Variants in SLIT3 observed in about 807,000 individuals in gnomAD.
The protein encoded by SLIT3 is slit guidance ligand 3, also known as slit homolog 3 protein.
A neutral mutation model predicts 184.0 loss-of-function variants in SLIT3; 68 were observed. The ratio of observed to expected loss-of-function variants is 0.37; its 90% CI spans 0.30 to 0.45. The LOEUF is 0.45. SLIT3 is among the 20% of genes least tolerant of loss of function. The pLI is 1.00. For synonymous variants in SLIT3, 831 were observed against 828.6 expected, an observed-to-expected ratio of 1.00 and a Z score of -0.05; for missense variants, 1,707 against 2,026.0, an observed-to-expected ratio of 0.84 and a Z score of 3.02.
rs1283382920 is a variant in SLIT3, at chr5:168,746,422, G to GTC, written c.2270+1879_2270+1880insGA. Among the ~76,000 whole-genome samples the GTC allele has an allele frequency of 4.1e-3, 444 of 108,920 alleles. 10 individuals are homozygous for GTC. Among genetic ancestry groups the GTC allele is most frequent in the African/African-American group, 4.3e-3 (116 of 26,676 alleles). 71.5% of individuals were successfully genotyped at this position (108,920 alleles called of 152,430 possible). On this transcript the variant is annotated intron_variant, in intron 20 of 35. Transcript: ENST00000519560. ...GTCTGGTGGTGTGTAGTGTGTGAGT[G>GTC]TGGTGGTGTGTGGTGGTGTGGGTGT...
At chr5:169,245,793 C>G (rs1157561700) in intron 2 of SLIT3, among the ~76,000 whole-genome samples, 1 of 152,150 alleles carries the variant, frequency 6.6e-6, no homozygotes, top group Non-Finnish European at 1.5e-5. Context: ...CAGTCTCTCC[C>G]CATTAGATGT....
chr5:168,989,714 C>T (rs1342682333), intron 4 of SLIT3, among the ~76,000 whole-genome samples: 1 of 152,162 alleles, frequency 6.6e-6, no homozygotes, highest in Non-Finnish European at 1.5e-5. Context: ...CATAGCCACC[C>T]TAAAACGAGA....
At chr5:169,216,673 G>C (rs1429948478) in intron 3 of SLIT3, among the ~76,000 whole-genome samples, 2 of 152,132 alleles carry the variant, frequency 1.3e-5, no homozygotes, top group East Asian at 3.9e-4. Context: ...GTAATTCCTC[G>C]ATGGTTATCT....
chr5:168,671,424 C>T lies in SLIT3; in HGVS notation c.3901G>A (p.Gly1301Ser), dbSNP rs369289265. ...LRQGTDRPLG[G>S]FHGCIHEVRI... ...ACCTCATGGATGCATCCGTGGAAGC[C>T]GCCTAGAGGCCGGTCCGTGCCCTGG... The change falls in exon 34 of 36, where the codon GGC becomes AGC. Residue 1301 changes from glycine (G) to serine (S), a missense_variant. By Grantham distance (56) the Gly-to-Ser change is moderately conservative. This residue lies in a region of SLIT3 where 387 missense variants were observed against 477.9 expected (regional missense o/e 0.81). Transcript: ENST00000519560. 2.2e-5 allele frequency: 35 copies of T among 1,613,654 alleles called. No individual in the cohort carries two copies. The highest frequency in any genetic ancestry group is 1.2e-4 in the South Asian group (11 of 90,982).
At chr5:168,710,772 T>C in intron 25 of SLIT3, 123 bp downstream of exon 25, 3 of 795,278 alleles carry the variant, frequency 3.8e-6, no homozygotes, top group Non-Finnish European at 5.4e-6. Context: ...GTGGGACCCA[T>C]GGAAGAGACA....
chr5:168,809,125 A>C (rs1415298647), intron 8 of SLIT3, among the ~76,000 whole-genome samples: 3 of 152,176 alleles, frequency 2.0e-5, no homozygotes, highest in Non-Finnish European at 4.4e-5. Flanking sequence ...TGGCGGTGGA[A>C]GTTCTAACAT....
chr5:168,832,628 G>T (rs542200540), intron 6 of SLIT3, among the ~76,000 whole-genome samples: 7 of 152,298 alleles, frequency 4.6e-5, no homozygotes, highest in South Asian at 2.1e-4. Flanking sequence ...TGAGTGAGCT[G>T]CGTGGGGACT....
chr5:169,129,120 A>T (rs1457751455), intron 4 of SLIT3, among the ~76,000 whole-genome samples: 2 of 152,090 alleles, frequency 1.3e-5, no homozygotes, highest in African/African-American at 2.4e-5. Context: ...CTCTGCAAGC[A>T]CCTGGCCCGA....
chr5:169,223,781 A>G (rs1764697080), intron 3 of SLIT3, among the ~76,000 whole-genome samples: 1 of 152,176 alleles, frequency 6.6e-6, no homozygotes, highest in Non-Finnish European at 1.5e-5. Context: ...ACCAGCAAAG[A>G]GATTGCTTTT....
At chr5:168,705,681 G>T (rs1482660874) in intron 26 of SLIT3, among the ~76,000 whole-genome samples, 1 of 152,158 alleles carries the variant, frequency 6.6e-6, no homozygotes, top group East Asian at 1.9e-4. Flanking sequence ...TGAGAACAAA[G>T]TTCAAACAAG....
At chr5:169,117,475 C>T (rs1030952944) in intron 4 of SLIT3, among the ~76,000 whole-genome samples, 1 of 151,840 alleles carries the variant, frequency 6.6e-6, no homozygotes, top group Non-Finnish European at 1.5e-5. Context: ...AAAGCTATGG[C>T]TGTTTCATTG....
intron 7 of SLIT3, among the ~76,000 whole-genome samples, 171 bp from the exon 8 acceptor site, chr5:168,817,634 C>A (rs929218610): frequency 3.3e-5 from 5 of 152,182 alleles, no homozygotes; most frequent in Admixed American, 2.0e-4. Flanking sequence ...GAGCCCCAAC[C>A]CTTTCATTGC....
intron 1 of SLIT3, among the ~76,000 whole-genome samples, chr5:169,297,230 G>T (rs945862323): frequency 5.3e-5 from 8 of 152,168 alleles, no homozygotes; most frequent in African/African-American, 1.9e-4. Context: ...TCATGGAGGG[G>T]GAAAAATTGT....
At chr5:168,965,861 G>A (rs749978753) in intron 4 of SLIT3, among the ~76,000 whole-genome samples, 1 of 151,832 alleles carries the variant, frequency 6.6e-6, no homozygotes, top group Non-Finnish European at 1.5e-5. Flanking sequence ...GCCAGCGCAC[G>A]CTCTCTCTCT....
At chr5:168,680,271 G>A (rs1051314242) in intron 32 of SLIT3, among the ~76,000 whole-genome samples, 1 of 152,254 alleles carries the variant, frequency 6.6e-6, no homozygotes. Context: ...AAGGAACAGT[G>A]AAGTCTGTCC....
chr5:168,995,425 C>T (rs1755477115), intron 4 of SLIT3: 1 of 152,204 alleles, frequency 6.6e-6, no homozygotes, highest in Admixed American at 6.5e-5. Context: ...AGTATCTATT[C>T]CTCATTGTAA....
chr5:168,980,560 C>T (rs528318152), intron 4 of SLIT3, among the ~76,000 whole-genome samples: 4 of 152,204 alleles, frequency 2.6e-5, no homozygotes, highest in African/African-American at 7.2e-5. Flanking sequence ...ACACTTCAAG[C>T]TCTTTCCACC....
intron 6 of SLIT3, among the ~76,000 whole-genome samples, chr5:168,826,506 G>A (rs1006353029): frequency 6.6e-6 from 1 of 152,222 alleles, no homozygotes; most frequent in Non-Finnish European, 1.5e-5. Context: ...CAACCCCAAT[G>A]CCAAGGAGAG....
At chr5:168,667,742 G>C (rs933733712) in intron 35 of SLIT3, 1 of 152,224 alleles carries the variant, frequency 6.6e-6, no homozygotes, top group Non-Finnish European at 1.5e-5. Context: ...GGCACCAGAG[G>C]CGATTGTGAA....
Sources: allele counts gnomAD v4.1 joint callset (sites outside exome capture counted in the v4.1 genomes callset), GRCh38; gene constraint gnomAD v4.1.1; regional missense constraint gnomAD v4.1.1; transcripts MANE v1.5; gene names NCBI Gene and HGNC (gene_info 2026-07-23, HGNC 2026-07-21).